The following MAST4 variants were observed in gnomAD, a reference collection of about 807,000 sequenced individuals.
The protein encoded by MAST4 is microtubule associated serine/threonine kinase family member 4, also known as microtubule-associated serine/threonine-protein kinase 4.
A neutral mutation model predicts 162.7 loss-of-function variants in MAST4; 89 were observed. That is an observed-to-expected ratio of 0.55 (90% CI 0.46 to 0.65). The LOEUF is 0.65. Ranked by LOEUF, MAST4 falls within the 30% of genes least tolerant of loss-of-function variation. The pLI is 0.00. For missense variants in MAST4, 3,153 were observed against 3,374.0 expected (o/e 0.93, Z 1.62); for synonymous variants, 1,479 against 1,361.1 (o/e 1.09, Z -1.91).
intron 2 of MAST4, among the ~76,000 whole-genome samples, chr5:66,784,763 G>C (rs1755034732): frequency 6.6e-6 from 1 of 152,212 alleles, no homozygotes; most frequent in Non-Finnish European, 1.5e-5. Flanking sequence ...AAGTGTGACA[G>C]TACATTGACT....
At position 66,760,647 on chromosome 5, in the gene MAST4, T is replaced by C. The variant is rs1277589225; in HGVS notation, c.517+785T>C. ...TTTACATTAATGGAAGCAGAGTATC[T>C]ACTCCTTTGGTCTGGATTCTTTTGC... On this transcript the variant is annotated intron_variant, in intron 2 of 28. Transcript: ENST00000403625. Among the ~76,000 whole-genome samples the C allele has an allele frequency of 3.9e-5, 6 of 152,220 alleles. No homozygotes were observed. In the South Asian group the frequency reaches 1.2e-3, roughly 31 times the overall value.
intron 3 of MAST4, among the ~76,000 whole-genome samples, chr5:66,797,355 C>T (rs1195585745): frequency 6.6e-6 from 1 of 152,038 alleles, no homozygotes; most frequent in African/African-American, 2.4e-5. Flanking sequence ...GAAAACATGC[C>T]TCATTATGTT....
intron 1 of MAST4, among the ~76,000 whole-genome samples, chr5:66,697,131 C>A (rs1749458372): frequency 6.6e-6 from 1 of 152,276 alleles, no homozygotes; most frequent in African/African-American, 2.4e-5. Context: ...CTTCTCACTT[C>A]AAGGAAAACA....
At chr5:66,865,968 G>T (rs1178176429) in intron 3 of MAST4, among the ~76,000 whole-genome samples, 2 of 151,710 alleles carry the variant, frequency 1.3e-5, no homozygotes, top group African/African-American at 4.9e-5. Context: ...CCAGCTACTT[G>T]GGAGACTGAG....
chr5:67,133,019 A>T, intron 16 of MAST4, among the ~76,000 whole-genome samples: 1 of 152,122 alleles, frequency 6.6e-6, no homozygotes, highest in Non-Finnish European at 1.5e-5. Context: ...GATTCTTTGC[A>T]TGGGTAAGAA....
At chr5:66,767,621 C>CACAT (rs1754161318) in intron 2 of MAST4, among the ~76,000 whole-genome samples, 1 of 151,748 alleles carries the variant, frequency 6.6e-6, no homozygotes, top group African/African-American at 2.4e-5. Flanking sequence ...CACACACACA[C>CACAT]ATATATATAA....
chr5:66,733,005 C>T (rs1751946274), intron 1 of MAST4, among the ~76,000 whole-genome samples: 1 of 152,180 alleles, frequency 6.6e-6, no homozygotes, highest in South Asian at 2.1e-4. Flanking sequence ...GCATCATAAT[C>T]CAGGTCTTCC....
At chr5:66,642,578 G>T (rs1375968363) in intron 1 of MAST4, among the ~76,000 whole-genome samples, 1 of 152,182 alleles carries the variant, frequency 6.6e-6, no homozygotes, top group East Asian at 1.9e-4. Flanking sequence ...GGGGAAGTGG[G>T]CAAGGACAGA....
intron 4 of MAST4, among the ~76,000 whole-genome samples, chr5:66,960,076 C>T (rs1255255341): frequency 1.3e-5 from 2 of 152,068 alleles, no homozygotes; most frequent in Non-Finnish European, 1.5e-5. Context: ...AATATAAATC[C>T]GGTAGACAAA....
intron 1 of MAST4, among the ~76,000 whole-genome samples, chr5:66,643,053 A>G (rs1409226256): frequency 6.6e-6 from 1 of 152,182 alleles, no homozygotes; most frequent in Admixed American, 6.5e-5. Context: ...AATGGACTGA[A>G]TGTTTAAAAA....
chr5:66,771,348 C>T (rs988616032), intron 2 of MAST4, among the ~76,000 whole-genome samples: 4 of 152,112 alleles, frequency 2.6e-5, no homozygotes, highest in Non-Finnish European at 5.9e-5. Context: ...CCACACCCGG[C>T]TAATTTTTTT....
intron 3 of MAST4, among the ~76,000 whole-genome samples, chr5:66,826,402 C>T (rs1369540066): frequency 6.6e-6 from 1 of 152,028 alleles, no homozygotes; most frequent in Non-Finnish European, 1.5e-5. Flanking sequence ...TCCCAAACAC[C>T]TCGAGCTGCA....
intron 9 of MAST4, among the ~76,000 whole-genome samples, chr5:67,103,163 A>G (rs768302426): frequency 3.3e-5 from 5 of 152,174 alleles, no homozygotes; most frequent in African/African-American, 9.6e-5. Context: ...TGAGAGAGCA[A>G]TTGTGAAGGG....
intron 1 of MAST4, among the ~76,000 whole-genome samples, chr5:66,628,280 C>G (rs113424813): frequency 0.015 from 2,244 of 151,536 alleles, 54 homozygotes; most frequent in African/African-American, 0.052. Flanking sequence ...GCATTCCTCC[C>G]GCCTTGACCT....
intron 24 of MAST4, among the ~76,000 whole-genome samples, chr5:67,150,987 C>T (rs1771731293): frequency 1.3e-5 from 2 of 152,162 alleles, no homozygotes; most frequent in African/African-American, 4.8e-5. Flanking sequence ...ATGGAACTCA[C>T]CACACCCTGG....
At chr5:66,891,964 C>G (rs1762391326) in intron 3 of MAST4, among the ~76,000 whole-genome samples, 1 of 152,214 alleles carries the variant, frequency 6.6e-6, no homozygotes, top group African/African-American at 2.4e-5. Context: ...TGTCTGCTAC[C>G]TGTGACACCT....
At chr5:67,144,994 G>T in intron 22 of MAST4, 150 bp from the exon 23 acceptor site, 1 of 881,742 alleles carries the variant, frequency 1.1e-6, no homozygotes. Flanking sequence ...AGATGTTGCT[G>T]CTGTGGGTAC....
At chr5:67,089,258 G>A (rs1168458685) in intron 5 of MAST4, among the ~76,000 whole-genome samples, 3 of 152,192 alleles carry the variant, frequency 2.0e-5, no homozygotes, top group Non-Finnish European at 4.4e-5. Context: ...TAAACATGCA[G>A]AGGGAAGCAG....
chr5:66,794,867 CTG>C (rs1360069233), intron 3 of MAST4, among the ~76,000 whole-genome samples: 2 of 152,114 alleles, frequency 1.3e-5, no homozygotes, highest in East Asian at 3.9e-4. Flanking sequence ...ACTATTTAAA[CTG>C]TAATATATTC....
Sources: gnomAD v4.1 joint callset for allele counts (sites outside exome capture counted in the v4.1 genomes callset) on GRCh38, gnomAD v4.1.1 for gene constraint, MANE v1.5 for transcripts, NCBI Gene and HGNC (gene_info 2026-07-23, HGNC 2026-07-21) for gene names.